The following TANC2 variants were observed in gnomAD, a reference collection of about 807,000 sequenced individuals.
The protein encoded by TANC2 is tetratricopeptide repeat, ankyrin repeat and coiled-coil containing 2.
In TANC2, 26 loss-of-function variants were observed where a neutral mutation model predicts 210.5. That is an observed-to-expected ratio of 0.12 (90% CI 0.09 to 0.17). The LOEUF is 0.17. TANC2 is among the 10% of genes least tolerant of loss of function. The probability of loss-of-function intolerance (pLI) is 1.00; values close to 1 mark genes in which losing one functional copy is unlikely to be tolerated. For synonymous variants in TANC2, 931 were observed against 967.1 expected (o/e 0.96, Z 0.69); for missense variants, 2,129 against 2,608.9 (o/e 0.82, Z 4.01).
chr17:63,328,906 A>C (rs1362038694), intron 11 of TANC2, among the ~76,000 whole-genome samples: 1 of 152,192 alleles, frequency 6.6e-6, no homozygotes, highest in African/African-American at 2.4e-5. Context: ...AAATGTATGC[A>C]ATTATGATTA....
intron 2 of TANC2, among the ~76,000 whole-genome samples, chr17:63,056,762 G>A (rs1435673213): frequency 1.3e-5 from 2 of 152,152 alleles, no homozygotes; most frequent in Non-Finnish European, 2.9e-5. Flanking sequence ...TCATTGGTTT[G>A]CTGACTTGAA....
intron 10 of TANC2, 22 bp downstream of exon 10, chr17:63,314,691 A>G: frequency 6.2e-7 from 1 of 1,604,210 alleles, no homozygotes; most frequent in Admixed American, 1.7e-5. Context: ...TTTTTAAAGA[A>G]CTCCCTGTTT....
At chr17:63,226,387 AC>A (rs1325725212) in intron 7 of TANC2, among the ~76,000 whole-genome samples, 1 of 152,174 alleles carries the variant, frequency 6.6e-6, no homozygotes, top group African/African-American at 2.4e-5. Context: ...AATATGGCTT[AC>A]GAGTTCTAGT....
intron 1 of TANC2, among the ~76,000 whole-genome samples, chr17:63,000,961 G>T (rs958620577): frequency 1.1e-5 from 1 of 91,506 alleles, no homozygotes; most frequent in African/African-American, 4.5e-5. Flanking sequence ...AAAAGTTTTA[G>T]AACTAGCAAA....
chr17:63,199,197 A>G (rs957580505), intron 6 of TANC2, among the ~76,000 whole-genome samples: 6 of 152,214 alleles, frequency 3.9e-5, no homozygotes, highest in Non-Finnish European at 8.8e-5. Flanking sequence ...TTTAGCAGAA[A>G]GAGTATGAAT....
chr17:63,218,176 C>T (rs188908099), intron 7 of TANC2, among the ~76,000 whole-genome samples: 118 of 151,762 alleles, frequency 7.8e-4, no homozygotes, highest in African/African-American at 2.7e-3. Flanking sequence ...TCTTAGTTAC[C>T]CAGGAGGCTT....
chr17:63,285,452 C>T (rs535911160), intron 9 of TANC2, among the ~76,000 whole-genome samples: 68 of 152,070 alleles, frequency 4.5e-4, no homozygotes, highest in Non-Finnish European at 7.4e-4. Context: ...GATATTACAC[C>T]ATTTCATGTA....
intron 12 of TANC2, among the ~76,000 whole-genome samples, chr17:63,340,740 G>A (rs1032679187): frequency 6.6e-6 from 1 of 152,146 alleles, no homozygotes; most frequent in African/African-American, 2.4e-5. Context: ...ATCAGTTCAT[G>A]TGAAGTGGAA....
chr17:63,266,458 A>G (rs2043529704), intron 8 of TANC2, among the ~76,000 whole-genome samples: 1 of 152,156 alleles, frequency 6.6e-6, no homozygotes, highest in Admixed American at 6.5e-5. Flanking sequence ...CAACTTATAT[A>G]TGAGGTTGGA....
Position 63,245,374 on chromosome 17 carries a change from T to G in TANC2, c.1033+7297T>G, listed in dbSNP as rs142733452. Among the ~76,000 whole-genome samples, 4 of 152,200 alleles carry G rather than the reference T, an allele frequency of 2.6e-5. No homozygotes were observed. In the East Asian group the frequency reaches 7.7e-4, roughly 29 times the overall value. Reference sequence around the variant, plus strand: ...AATAATTAAGCTATACACCAAAGATTTATATACTCTATATATGTAAATCAT... The same window carrying G: ...AATAATTAAGCTATACACCAAAGATGTATATACTCTATATATGTAAATCAT... On this transcript the variant is annotated intron_variant, in intron 8 of 27. Transcript: ENST00000689528.
At chr17:63,247,289 A>C (rs2042943262) in intron 8 of TANC2, among the ~76,000 whole-genome samples, 1 of 151,940 alleles carries the variant, frequency 6.6e-6, no homozygotes, top group Non-Finnish European at 1.5e-5. Context: ...TCAATTTGTC[A>C]ATTTTTTTTC....
At chr17:63,196,116 C>CA (rs1438784183) in intron 6 of TANC2, among the ~76,000 whole-genome samples, 2 of 152,156 alleles carry the variant, frequency 1.3e-5, no homozygotes, top group African/African-American at 4.8e-5. Context: ...TTTATTTTTT[C>CA]ATAGCTCTTA....
intron 8 of TANC2, among the ~76,000 whole-genome samples, chr17:63,241,887 A>T (rs1186406719): frequency 6.6e-6 from 1 of 152,202 alleles, no homozygotes; most frequent in African/African-American, 2.4e-5. Context: ...CAAAGACACT[A>T]AACGGATTTG....
At chr17:63,334,474 G>A (rs1343726858) in intron 11 of TANC2, among the ~76,000 whole-genome samples, 1 of 152,060 alleles carries the variant, frequency 6.6e-6, no homozygotes. Context: ...TAAATAAATG[G>A]GAGATAAGGG....
intron 8 of TANC2, among the ~76,000 whole-genome samples, chr17:63,251,150 C>T (rs1027043704): frequency 1.3e-5 from 2 of 152,078 alleles, no homozygotes; most frequent in African/African-American, 4.8e-5. Flanking sequence ...CTACTACAAT[C>T]AGTGAAGGAA....
chr17:63,328,883 C>A (rs2045743904), intron 11 of TANC2, among the ~76,000 whole-genome samples: 1 of 152,110 alleles, frequency 6.6e-6, no homozygotes, highest in African/African-American at 2.4e-5. Context: ...CAAAACATCA[C>A]ATTGTACCCC....
chr17:62,974,858 A>G (rs1365097528), intron 1 of TANC2, among the ~76,000 whole-genome samples: 2 of 152,230 alleles, frequency 1.3e-5, no homozygotes, highest in Non-Finnish European at 2.9e-5. Flanking sequence ...CCAATGTTAC[A>G]GACATAAAAT....
At chr17:63,120,398 A>G (rs191805435) in intron 4 of TANC2, among the ~76,000 whole-genome samples, 1 of 152,210 alleles carries the variant, frequency 6.6e-6, no homozygotes, top group South Asian at 2.1e-4. Context: ...TAAAAATTCA[A>G]GTTGCAGATT....
At position 63,013,028 on chromosome 17, in the gene TANC2, G is replaced by A. The variant is rs2033942523; in HGVS notation, c.67+3402G>A. ...ACTTTACTTTTGTTTATCTGAAAAT[G>A]TCTTTATTTTGCCTTCATTTTTGTA... On this transcript the variant is annotated intron_variant, in intron 2 of 27. Transcript: ENST00000689528. Among the ~76,000 whole-genome samples, 3 of 150,942 alleles carry A rather than the reference G, an allele frequency of 2.0e-5. No homozygotes were observed. In the South Asian group the frequency reaches 6.3e-4, roughly 32 times the overall value.
Sources: gnomAD v4.1 joint callset for allele counts (sites outside exome capture counted in the v4.1 genomes callset) on GRCh38, gnomAD v4.1.1 for gene constraint, MANE v1.5 for transcripts, NCBI Gene and HGNC (gene_info 2026-07-23, HGNC 2026-07-21) for gene names.